The following TNFRSF11A variants were observed in gnomAD, a reference collection of about 807,000 sequenced individuals.
TNFRSF11A encodes tumor necrosis factor receptor superfamily member 11A.
In TNFRSF11A, 32 loss-of-function variants were observed where a neutral mutation model predicts 55.7. The observed-to-expected ratio is 0.57, with a 90% CI of 0.43 to 0.77. TNFRSF11A has a LOEUF of 0.77. TNFRSF11A is among the 30% of genes least tolerant of loss of function. The pLI is 0.00. For synonymous variants in TNFRSF11A, 311 were observed against 331.0 expected, an observed-to-expected ratio of 0.94 and a Z score of 0.65; for missense variants, 753 against 809.8, an observed-to-expected ratio of 0.93 and a Z score of 0.85.
intron 7 of TNFRSF11A, 26 bp downstream of exon 7, chr18:62,361,819 A>C: frequency 6.3e-7 from 1 of 1,577,828 alleles, no homozygotes; most frequent in Non-Finnish European, 8.7e-7. Context: ...TGGTTTTTGC[A>C]AACCAATCTT....
intron 3 of TNFRSF11A, 137 bp downstream of exon 3, chr18:62,350,074 A>G (rs543533780): frequency 8.3e-7 from 1 of 1,207,180 alleles, no homozygotes; most frequent in Non-Finnish European, 1.2e-6. Flanking sequence ...ACATCCCAAG[A>G]AAGATGCGTT....
intron 3 of TNFRSF11A, among the ~76,000 whole-genome samples, chr18:62,352,009 T>C (rs1254543296): frequency 6.6e-6 from 1 of 152,176 alleles, no homozygotes; most frequent in Non-Finnish European, 1.5e-5. Context: ...GTGTCCAGGC[T>C]GGTCCTGAAC....
At chr18:62,379,719 A>C (rs188461466) in intron 9 of TNFRSF11A, among the ~76,000 whole-genome samples, 1 of 152,186 alleles carries the variant, frequency 6.6e-6, no homozygotes, top group African/African-American at 2.4e-5. Flanking sequence ...CAATTGGTAC[A>C]ATCAGTAGAC....
At chr18:62,384,662 C>A in intron 9 of TNFRSF11A, 89 bp from the exon 10 acceptor site, 1 of 1,493,956 alleles carries the variant, frequency 6.7e-7, no homozygotes, top group South Asian at 1.2e-5. Context: ...CGGGGAGCCG[C>A]CCTCCACTCC....
At chr18:62,366,842 A>ACCCCCCC (rs34939126) in intron 8 of TNFRSF11A, 82 bp downstream of exon 8, 13 of 1,186,620 alleles carry the variant, frequency 1.1e-5, no homozygotes, top group Non-Finnish European at 1.5e-5. Flanking sequence ...CATATTGAGC[A>ACCCCCCC]CCCCCCCCCA....
At position 62,368,776 on chromosome 18, in the gene TNFRSF11A, C is replaced by T. The variant is rs1272534446; in HGVS notation, c.859C>T (p.Leu287=). ...GCAGGGAGCATGTGAAGGTGTCTTA[C>T]TGCTGACTCTGGAGGAGAAGACATT... The part of the protein sequence containing the change: ...GQQGACEGVL[L]LTLEEKTFPE... Residue 287 remains leucine, a synonymous_variant, in exon 9 of 10, where the codon CTG becomes TTG. Transcript: ENST00000586569. 2 of 1,614,118 alleles carry T rather than the reference C, an allele frequency of 1.2e-6. No individual in the cohort carries two copies. The highest frequency in any genetic ancestry group is 1.7e-6 in the Non-Finnish European group (2 of 1,180,056).
chr18:62,357,837 G>T (rs1433454685), intron 4 of TNFRSF11A: 1 of 269,650 alleles, frequency 3.7e-6, no homozygotes, highest in East Asian at 8.4e-5. Context: ...TAGCTGGCAG[G>T]TGCATGGGGG....
chr18:62,351,319 A>G (rs1445625633), intron 3 of TNFRSF11A, among the ~76,000 whole-genome samples: 2 of 152,122 alleles, frequency 1.3e-5, no homozygotes, highest in African/African-American at 4.8e-5. Context: ...CTTCTTATAA[A>G]TTGGTTGTTA....
At chr18:62,368,126 T>C (rs1408578375) in intron 8 of TNFRSF11A, among the ~76,000 whole-genome samples, 1 of 152,184 alleles carries the variant, frequency 6.6e-6, no homozygotes, top group Non-Finnish European at 1.5e-5. Context: ...AATGTATACA[T>C]TTGAAAGCAT....
chr18:62,369,783 A>G (rs1375667772), intron 9 of TNFRSF11A, among the ~76,000 whole-genome samples: 1 of 152,256 alleles, frequency 6.6e-6, no homozygotes, highest in African/African-American at 2.4e-5. Flanking sequence ...CTCAAGCCCC[A>G]GCACTGACCC....
At chr18:62,333,628 A>T (rs546290313) in intron 1 of TNFRSF11A, among the ~76,000 whole-genome samples, 1 of 152,288 alleles carries the variant, frequency 6.6e-6, no homozygotes, top group Admixed American at 6.5e-5. Context: ...ACAGCTAGTG[A>T]GTGGCAGAGC....
intron 9 of TNFRSF11A, among the ~76,000 whole-genome samples, chr18:62,371,664 G>C (rs1910559635): frequency 6.6e-6 from 1 of 152,192 alleles, no homozygotes; most frequent in African/African-American, 2.4e-5. Context: ...TTCGCCTGAG[G>C]AGAGGCAGCA....
Position 62,361,712 on chromosome 18 carries a change from C to A in TNFRSF11A, c.649C>A (p.Leu217Met), listed in dbSNP as rs1266993565. 6.2e-6 allele frequency: 10 copies of A among 1,614,170 alleles called. No homozygotes were observed. The highest frequency in any genetic ancestry group is 8.5e-6 in the Non-Finnish European group (10 of 1,180,014). ...TGTTTACTTGCCCGGTTTAATAATT[C>A]TGCTTCTCTTCGCGTCTGTGGCCCT... ...PHVYLPGLIILLLFASVALVA... is the reference protein window; with the variant it reads ...PHVYLPGLIIMLLFASVALVA... The change falls in exon 7 of 10, where the codon CTG (leucine) becomes ATG (methionine). Residue 217 changes from leucine (L) to methionine (M), a missense_variant. Physicochemically the swap from Leu to Met is conservative, Grantham distance 15. This residue lies in a region of TNFRSF11A where 567 missense variants were observed against 596.7 expected (regional missense o/e 0.95). Transcript: ENST00000586569.
At chr18:62,363,822 T>G (rs1169974516) in intron 7 of TNFRSF11A, among the ~76,000 whole-genome samples, 2 of 152,254 alleles carry the variant, frequency 1.3e-5, no homozygotes, top group Admixed American at 6.5e-5. Flanking sequence ...ATAAACAGAC[T>G]TCCTGATGTT....
intron 5 of TNFRSF11A, among the ~76,000 whole-genome samples, chr18:62,359,432 T>G (rs1164306177): frequency 6.6e-6 from 1 of 152,040 alleles, no homozygotes; most frequent in Non-Finnish European, 1.5e-5. Context: ...CAGGCCAAAG[T>G]GCAGTGGTAC....
At chr18:62,380,115 G>A (rs1213530800) in intron 9 of TNFRSF11A, among the ~76,000 whole-genome samples, 3 of 152,314 alleles carry the variant, frequency 2.0e-5, no homozygotes, top group Non-Finnish European at 4.4e-5. Context: ...CATGATGACA[G>A]CAAAGCATTT....
chr18:62,390,048 T>A lies in TNFRSF11A; in HGVS notation c.*5014T>A, dbSNP rs1911936683. On this transcript the variant is annotated 3_prime_UTR_variant, in exon 10 of 10. Transcript: ENST00000586569. ...GCACTCACTGGCAGTTCCTAGAAGA[T>A]TCCAGTAGTAGAGATCTGACTGTCC... 1 of 152,232 alleles carries A rather than the reference T, an allele frequency of 6.6e-6. No individual in the cohort carries two copies. The allele number at this position is 152,232 out of a possible 1,614,324, so 9.4% of individuals were successfully genotyped here.
intron 1 of TNFRSF11A, among the ~76,000 whole-genome samples, chr18:62,332,379 T>G (rs185013628): frequency 2.0e-5 from 3 of 152,370 alleles, no homozygotes; most frequent in Admixed American, 1.3e-4. Context: ...GGCCCCTGTC[T>G]TCTCTCAACT....
At chr18:62,352,228 A>G (rs2046485027) in intron 3 of TNFRSF11A, among the ~76,000 whole-genome samples, 1 of 152,244 alleles carries the variant, frequency 6.6e-6, no homozygotes, top group Non-Finnish European at 1.5e-5. Flanking sequence ...ACAATCAGAC[A>G]TTTCTCTAAG....
Sources: gnomAD v4.1 joint callset for allele counts (sites outside exome capture counted in the v4.1 genomes callset) on GRCh38, gnomAD v4.1.1 for gene constraint, gnomAD v4.1.1 regional missense constraint, MANE v1.5 for transcripts, NCBI Gene and HGNC (gene_info 2026-07-23, HGNC 2026-07-21) for gene names.